Variants in FLT3 observed in about 807,000 individuals in gnomAD.
FLT3 encodes the protein fms related receptor tyrosine kinase 3, also known as receptor-type tyrosine-protein kinase FLT3.
In FLT3, 46 loss-of-function variants were observed where a neutral mutation model predicts 126.6. The ratio of observed to expected loss-of-function variants is 0.36; its 90% CI spans 0.29 to 0.46. FLT3 has a LOEUF of 0.46. FLT3 is among the 20% of genes least tolerant of loss of function. FLT3 has a pLI of 1.00. For synonymous variants in FLT3, 404 were observed against 434.4 expected (o/e 0.93, Z 0.87); for missense variants, 1,069 against 1,190.3 (o/e 0.90, Z 1.50).
chr13:28,055,185 G>A (rs893950608), intron 4 of FLT3, among the ~76,000 whole-genome samples: 2 of 152,118 alleles, frequency 1.3e-5, no homozygotes, highest in Non-Finnish European at 1.5e-5. Context: ...ATCAGAAACC[G>A]AGATCAAGGG....
At chr13:28,082,937 A>C (rs915360266) in intron 1 of FLT3, among the ~76,000 whole-genome samples, 1 of 151,774 alleles carries the variant, frequency 6.6e-6, no homozygotes, top group African/African-American at 2.4e-5. Context: ...TGATCTCCTG[A>C]CTTCATGATC....
intron 9 of FLT3, among the ~76,000 whole-genome samples, chr13:28,043,895 A>C (rs528669801): frequency 3.3e-5 from 5 of 152,090 alleles, no homozygotes; most frequent in African/African-American, 9.6e-5. Context: ...GCAGATCACG[A>C]GGTCAGGAGT....
At chr13:28,017,389 G>GT (rs1355344995) in intron 20 of FLT3, among the ~76,000 whole-genome samples, 4 of 151,864 alleles carry the variant, frequency 2.6e-5, no homozygotes, top group African/African-American at 9.7e-5. Context: ...CACTCAGCTA[G>GT]TTTTTTATTT....
chr13:28,089,895 C>T (rs866257589), intron 1 of FLT3, among the ~76,000 whole-genome samples: 11 of 151,622 alleles, frequency 7.3e-5, no homozygotes, highest in Middle Eastern at 3.4e-3. Flanking sequence ...CCACCATGCC[C>T]GGCTAAGTTT....
intron 9 of FLT3, among the ~76,000 whole-genome samples, chr13:28,041,189 G>A (rs567922200): frequency 3.9e-5 from 6 of 152,204 alleles, no homozygotes; most frequent in Non-Finnish European, 8.8e-5. Context: ...GCCAGTGCCC[G>A]ACCTCAGGAA....
At chr13:28,029,178 G>A (rs191145221) in intron 15 of FLT3, among the ~76,000 whole-genome samples, 200 of 152,302 alleles carry the variant, frequency 1.3e-3, no homozygotes, top group African/African-American at 4.3e-3. Context: ...ATCACTTAAG[G>A]TCAGGAGTTG....
At chr13:28,066,363 T>G (rs931211213) in intron 2 of FLT3, among the ~76,000 whole-genome samples, 12 of 152,194 alleles carry the variant, frequency 7.9e-5, no homozygotes, top group Middle Eastern at 3.2e-3. Context: ...TCTCAGATCT[T>G]GGTTCCTAAA....
chr13:28,046,413 C>A (rs1302749651), intron 9 of FLT3, among the ~76,000 whole-genome samples: 1 of 152,258 alleles, frequency 6.6e-6, no homozygotes, highest in South Asian at 2.1e-4. Context: ...TAGAACAGGG[C>A]TAGCCAATGA....
chr13:28,009,379 C>T (rs1871178796), intron 23 of FLT3: 2 of 152,226 alleles, frequency 1.3e-5, no homozygotes, highest in Admixed American at 1.3e-4. Flanking sequence ...GGACTTCTTG[C>T]TGCCTTTGTG....
At position 28,003,985 on chromosome 13, in the gene FLT3, G is replaced by A. The variant is rs1870654660; in HGVS notation, c.*67C>T. 1 of 1,563,938 alleles carries A rather than the reference G, an allele frequency of 6.4e-7. No individual in the cohort carries two copies. Among genetic ancestry groups the A allele is most frequent in the South Asian group, 1.1e-5 (1 of 89,026 alleles). ...TTCTTTTAGTGATGAAATTAATCTT[G>A]TTTTGGTAATCTACAGCCTGTTAGG... On this transcript the variant is annotated 3_prime_UTR_variant, in exon 24 of 24. Transcript: ENST00000241453.
rs191491436 is a variant in FLT3, at chr13:28,073,574, G to A, written c.44-2962C>T. ...AAGTATAATTAACTTATAATAAATC[G>A]TGCACATTAAAAGTATACAATTTAG... On this transcript the variant is annotated intron_variant, in intron 1 of 23. Transcript: ENST00000241453. 7.5e-3 allele frequency among the ~76,000 whole-genome samples: 1,136 copies of A among 151,816 alleles called. 7 individuals are homozygous for A. The highest frequency in any genetic ancestry group is 0.013 in the Non-Finnish European group (858 of 67,960).
intron 1 of FLT3, among the ~76,000 whole-genome samples, chr13:28,080,245 G>C (rs534175853): frequency 6.6e-6 from 1 of 152,154 alleles, no homozygotes; most frequent in Non-Finnish European, 1.5e-5. Context: ...GCGCCATGGC[G>C]CATTCCTGTA....
rs745739442 is a variant in FLT3, at chr13:28,070,530, G to A, written c.126C>T (p.Asn42=). The change falls in exon 2 of 24, where the codon AAC becomes AAT. Residue 42 remains asparagine (N), a synonymous_variant. Transcript: ENST00000241453. The stretch of plus-strand genomic sequence containing the variant: ...ATGACTTCCCCACTGATGAATCATT[G>A]TTCTTATGATTGATTAAAACACACT... ...VIKCVLINHK[N]NDSSVGKSSS... 3 of 1,602,396 alleles carry A rather than the reference G, an allele frequency of 1.9e-6. No individual in the cohort carries two copies. Among genetic ancestry groups the A allele is most frequent in the Admixed American group, 1.7e-5 (1 of 59,962 alleles).
intron 9 of FLT3, among the ~76,000 whole-genome samples, chr13:28,039,529 C>T: frequency 6.7e-6 from 1 of 149,230 alleles, no homozygotes; most frequent in East Asian, 2.0e-4. Flanking sequence ...TGCTTACTGC[C>T]CTGAGCATTG....
intron 15 of FLT3, among the ~76,000 whole-genome samples, chr13:28,030,114 G>A (rs1297006743): frequency 6.6e-6 from 1 of 152,090 alleles, no homozygotes; most frequent in Non-Finnish European, 1.5e-5. Context: ...CCATTATTTT[G>A]TCCAGGAAGG....
At chr13:28,032,892 G>A (rs969226760) in intron 15 of FLT3, among the ~76,000 whole-genome samples, 10 of 152,214 alleles carry the variant, frequency 6.6e-5, no homozygotes, top group African/African-American at 2.4e-4. Context: ...TGAAGTCACT[G>A]TTGACCTTAG....
chr13:28,086,572 A>AATCCAGAT (rs1226506933), intron 1 of FLT3, among the ~76,000 whole-genome samples: 2 of 149,544 alleles, frequency 1.3e-5, no homozygotes, highest in African/African-American at 5.0e-5. Context: ...CCTTTGTGTA[A>AATCCAGAT]ATCCAGATTT....
chr13:28,096,498 G>A (rs147074341), intron 1 of FLT3, among the ~76,000 whole-genome samples: 4 of 151,692 alleles, frequency 2.6e-5, no homozygotes, highest in East Asian at 1.9e-4. Context: ...GTGCAATGGC[G>A]CAATCTTGGC....
At chr13:28,035,171 A>G (rs1381158615) in intron 12 of FLT3, among the ~76,000 whole-genome samples, 1 of 152,134 alleles carries the variant, frequency 6.6e-6, no homozygotes, top group Non-Finnish European at 1.5e-5. Context: ...GCAAATAAGG[A>G]GGCTAATCAA....
Sources: allele counts gnomAD v4.1 joint callset (sites outside exome capture counted in the v4.1 genomes callset), GRCh38; gene constraint gnomAD v4.1.1; transcripts MANE v1.5; gene names NCBI Gene and HGNC (gene_info 2026-07-23, HGNC 2026-07-21).